The following DSTN variants were observed in gnomAD, a reference collection of about 807,000 sequenced individuals.
DSTN encodes destrin, actin depolymerizing factor.
DSTN carries 10 observed loss-of-function variants against 16.8 expected under a neutral mutation model. The observed-to-expected ratio is 0.60, with a 90% confidence interval of 0.37 to 1.01. DSTN has a LOEUF of 1.01. Ranked by LOEUF, DSTN falls within the 50% of genes least tolerant of loss-of-function variation. DSTN has a pLI of 0.01. For synonymous variants in DSTN, 57 were observed against 58.9 expected, an observed-to-expected ratio of 0.97 and a Z score of 0.14; for missense variants, 141 against 196.7, an observed-to-expected ratio of 0.72 and a Z score of 1.69.
chr20:17,591,778 T>A (rs534069232), intron 1 of DSTN, among the ~76,000 whole-genome samples: 1 of 152,340 alleles, frequency 6.6e-6, no homozygotes, highest in Non-Finnish European at 1.5e-5. Flanking sequence ...ATGACTTGCC[T>A]AAGGTGACAT....
chr20:17,589,557 C>T (rs577223062), intron 1 of DSTN, among the ~76,000 whole-genome samples: 2 of 152,292 alleles, frequency 1.3e-5, no homozygotes, highest in East Asian at 3.9e-4. Context: ...TTCTGTGAAG[C>T]AGAAATGTGC....
Position 17,571,736 on chromosome 20 carries a change from T to C in DSTN, c.3+1525T>C, listed in dbSNP as rs546136966. Reference sequence around the variant, plus strand: ...TATTGAGTGGCTAATACAGACTTTATTTTTCTGTTTGAAAATAAGAGACCA... The same window carrying C: ...TATTGAGTGGCTAATACAGACTTTACTTTTCTGTTTGAAAATAAGAGACCA... On this transcript the variant is annotated intron_variant, in intron 1 of 3. Transcript: ENST00000246069. 4.6e-4 allele frequency among the ~76,000 whole-genome samples: 70 copies of C among 152,324 alleles called. No homozygotes were observed. The South Asian group carries it at 7.1e-3, about 15-fold the overall frequency.
chr20:17,575,075 T>C (rs1471976027), intron 1 of DSTN, among the ~76,000 whole-genome samples: 1 of 151,976 alleles, frequency 6.6e-6, no homozygotes, highest in Non-Finnish European at 1.5e-5. Flanking sequence ...CCCAGACTGG[T>C]CTCAAACAAT....
intron 1 of DSTN, among the ~76,000 whole-genome samples, chr20:17,572,772 A>G (rs183190470): frequency 7.9e-5 from 12 of 152,260 alleles, no homozygotes; most frequent in African/African-American, 2.9e-4. Flanking sequence ...TTCCAACTCC[A>G]AGTTTTAAAA....
At chr20:17,605,538 T>C (rs1016619867) in intron 3 of DSTN, among the ~76,000 whole-genome samples, 12 of 152,194 alleles carry the variant, frequency 7.9e-5, no homozygotes, top group Non-Finnish European at 1.3e-4. Flanking sequence ...TAGCCTGTTT[T>C]ACTTAGTTCG....
At chr20:17,579,884 G>A (rs1265178166) in intron 1 of DSTN, among the ~76,000 whole-genome samples, 1 of 152,240 alleles carries the variant, frequency 6.6e-6, no homozygotes, top group Non-Finnish European at 1.5e-5. Flanking sequence ...TGCATGGAGA[G>A]CTTGCTGCTG....
intron 1 of DSTN, among the ~76,000 whole-genome samples, chr20:17,571,470 T>C (rs2035206422): frequency 6.6e-6 from 1 of 152,258 alleles, no homozygotes; most frequent in Non-Finnish European, 1.5e-5. Flanking sequence ...TTGATACTGT[T>C]CAGTTTTTGG....
intron 1 of DSTN, among the ~76,000 whole-genome samples, chr20:17,590,719 T>G (rs1456528567): frequency 6.6e-6 from 1 of 151,928 alleles, no homozygotes; most frequent in Non-Finnish European, 1.5e-5. Context: ...CTTAGAAAAT[T>G]TTTTAAGTAA....
chr20:17,585,761 C>A (rs2035400633), intron 1 of DSTN, among the ~76,000 whole-genome samples: 1 of 152,112 alleles, frequency 6.6e-6, no homozygotes, highest in Non-Finnish European at 1.5e-5. Context: ...AATCCCTCCT[C>A]CTATCCCCAA....
intron 1 of DSTN, among the ~76,000 whole-genome samples, chr20:17,589,489 G>A (rs1377719264): frequency 6.6e-6 from 1 of 152,222 alleles, no homozygotes; most frequent in East Asian, 1.9e-4. Context: ...ACAGGCGTGA[G>A]CCGCAGCGCC....
chr20:17,604,503 A>T, intron 2 of DSTN, 52 bp from the exon 3 acceptor site: 1 of 1,548,570 alleles, frequency 6.5e-7, no homozygotes, highest in Non-Finnish European at 8.8e-7. Flanking sequence ...ACAAGTTGCA[A>T]GTTATACTTT....
chr20:17,583,731 G>GTTTGTTTTTTT (rs74172899), intron 1 of DSTN, among the ~76,000 whole-genome samples: 1 of 28,020 alleles, frequency 3.6e-5, no homozygotes, highest in Non-Finnish European at 8.6e-5. Context: ...TGGGTTTGGA[G>GTTTGTTTTTTT]TTTCTTTTTT....
At chr20:17,570,999 A>C (rs2035199376) in intron 1 of DSTN, among the ~76,000 whole-genome samples, 1 of 152,216 alleles carries the variant, frequency 6.6e-6, no homozygotes, top group South Asian at 2.1e-4. Context: ...GGATGCTGAT[A>C]CAACCAAATT....
chr20:17,587,937 T>G (rs2035429223), intron 1 of DSTN, among the ~76,000 whole-genome samples: 1 of 152,210 alleles, frequency 6.6e-6, no homozygotes, highest in Non-Finnish European at 1.5e-5. Context: ...TGGTAGTGAT[T>G]ACCATATTAG....
intron 1 of DSTN, 152 bp downstream of exon 1, chr20:17,570,363 G>T (rs2035184685): frequency 1.8e-6 from 2 of 1,136,002 alleles, no homozygotes; most frequent in East Asian, 6.5e-5. Context: ...GGTGAGGGGG[G>T]GTCTCTGGGC....
Position 17,583,735 on chromosome 20 carries a change from CTTTTTTTT to C in DSTN, c.3+13540_3+13547del, listed in dbSNP as rs71192397. Among the ~76,000 whole-genome samples, 123 of 72,490 alleles carry C rather than the reference CTTTTTTTT, an allele frequency of 1.7e-3. 2 individuals are homozygous for C. The highest frequency in any genetic ancestry group is 5.7e-3 in the African/African-American group (104 of 18,394). The allele number at this position is 72,490 out of a possible 152,430, so 47.6% of individuals were successfully genotyped here. A position where few individuals can be genotyped will look rare whatever the true frequency, so the allele number is the denominator to read the frequency against. On this transcript the variant is annotated intron_variant, in intron 1 of 3. Transcript: ENST00000246069. The stretch of plus-strand genomic sequence containing the variant: ...ATGACTGCTAATGGGTTTGGAGTTT[CTTTTTTTT>C]TTTTTTTTTTTTTTTGAGACAAGGT...
Position 17,570,168 on chromosome 20 carries a change from C to T in DSTN, c.-41C>T, listed in dbSNP as rs771626356. On this transcript the variant is annotated 5_prime_UTR_variant, in exon 1 of 4. Coordinates refer to ENST00000246069, the MANE Select transcript of DSTN (RefSeq NM_006870.4). ...GGACGGTCTGCATACTCGCTGCCCG[C>T]CGGCTCCCTCCCCCGCGTCCCTGCG... 3.2e-5 allele frequency: 48 copies of T among 1,518,162 alleles called. No homozygotes were observed. Among genetic ancestry groups the T allele is most frequent in the South Asian group, 1.2e-4 (10 of 82,908 alleles). 94.0% of individuals were successfully genotyped at this position (1,518,162 alleles called of 1,614,324 possible). A position where few individuals can be genotyped will look rare whatever the true frequency, so the allele number is the denominator to read the frequency against.
In DSTN at chr20:17,596,731, A is replaced by C; in HGVS notation, c.4-4007A>C. On this transcript the variant is annotated intron_variant, in intron 1 of 3. Coordinates refer to ENST00000246069, the MANE Select transcript of DSTN (RefSeq NM_006870.4). ...CTAATGGTATAAGAAACCTCCACAGACATCACTTCTGATAGAAAAAAAGAC... is the reference window on the plus strand; with the variant it reads ...CTAATGGTATAAGAAACCTCCACAGCCATCACTTCTGATAGAAAAAAAGAC... 4 of 985,388 alleles carry C rather than the reference A, an allele frequency of 4.1e-6. No homozygotes were observed. In the East Asian group the frequency reaches 3.4e-4, roughly 84 times the overall value. 61.0% of individuals were successfully genotyped at this position (985,388 alleles called of 1,614,324 possible). A position where few individuals can be genotyped will look rare whatever the true frequency, so the allele number is the denominator to read the frequency against.
chr20:17,576,729 G>A (rs1397427185), intron 1 of DSTN, among the ~76,000 whole-genome samples: 1 of 152,134 alleles, frequency 6.6e-6, no homozygotes, highest in Admixed American at 6.5e-5. Flanking sequence ...AAGGAAGATT[G>A]TTTACTCCTT....
Sources: gnomAD v4.1 joint callset for allele counts (sites outside exome capture counted in the v4.1 genomes callset) on GRCh38, gnomAD v4.1.1 for gene constraint, MANE v1.5 for transcripts, NCBI Gene and HGNC (gene_info 2026-07-23, HGNC 2026-07-21) for gene names.